The following AHDC1 variants were observed in gnomAD, a reference collection of about 807,000 sequenced individuals.
AHDC1 encodes the protein AT-hook DNA binding motif containing 1.
In AHDC1, 7 loss-of-function variants were observed where a neutral mutation model predicts 87.9. The ratio of observed to expected loss-of-function variants is 0.08; its 90% CI spans 0.05 to 0.15. The LOEUF (loss-of-function observed/expected upper bound fraction) is 0.15. Among genes scored for constraint, AHDC1 ranks in the 10% least tolerant of loss-of-function variants. AHDC1 has a pLI of 1.00. For synonymous variants in AHDC1, 1,051 were observed against 1,006.8 expected (o/e 1.04, Z -0.83); for missense variants, 1,841 against 2,253.2 (o/e 0.82, Z 3.70).
At position 27,551,636 on chromosome 1, in the gene AHDC1, G is replaced by C. The variant is rs147707628; in HGVS notation, c.480C>G (p.Pro160=). ...AGAAGAAGCTGTACTGTAGGTCGCC[G>C]GGTGGCGGTGCAGGCGGGCGGCTCA... ...LRLSRPPAPP[P]GDLQYSFFSS... The change falls in exon 8 of 9, where the codon CCC becomes CCG. Residue 160 remains proline (P), a synonymous_variant. Transcript: ENST00000673934. 12 of 1,613,534 alleles carry C rather than the reference G, an allele frequency of 7.4e-6. No homozygotes were observed. In the South Asian group the frequency reaches 9.9e-5, roughly 13 times the overall value.
intron 3 of AHDC1, among the ~76,000 whole-genome samples, chr1:27,567,237 G>A (rs1193926911): frequency 6.6e-6 from 1 of 152,204 alleles, no homozygotes; most frequent in Non-Finnish European, 1.5e-5. Flanking sequence ...GTGAATTCAG[G>A]ATCTGTAATC....
intron 3 of AHDC1, among the ~76,000 whole-genome samples, chr1:27,588,229 CCT>C (rs1407790991): frequency 3.3e-5 from 5 of 152,224 alleles, no homozygotes; most frequent in African/African-American, 2.4e-5. Context: ...TTCCACGCTT[CCT>C]CTTATGAATT....
chr1:27,549,841 G>A lies in AHDC1; in HGVS notation c.2275C>T (p.Pro759Ser). The change falls in exon 8 of 9, where the codon CCA becomes TCA. Residue 759 changes from proline (P) to serine (S), a missense_variant. Pro to Ser is a moderately conservative substitution (Grantham distance 74). Coordinates refer to ENST00000673934, the MANE Select transcript of AHDC1 (RefSeq NM_001371928.1). Reference protein sequence around the residue: ...TLFPEQVPSGPGFGEAGAEWA... With the variant: ...TLFPEQVPSGSGFGEAGAEWA... ...TCAGCACCTGCCTCCCCAAAGCCTGGGCCACTGGGCACCTGCTCTGGGAAC... is the reference window on the plus strand; with the variant it reads ...TCAGCACCTGCCTCCCCAAAGCCTGAGCCACTGGGCACCTGCTCTGGGAAC... 6.2e-7 allele frequency: 1 copy of A among 1,613,256 alleles called. No homozygotes were observed. Among genetic ancestry groups the A allele is most frequent in the Non-Finnish European group, 8.5e-7 (1 of 1,179,570 alleles).
At chr1:27,582,534 C>T (rs1013510509) in intron 3 of AHDC1, among the ~76,000 whole-genome samples, 4 of 152,350 alleles carry the variant, frequency 2.6e-5, no homozygotes, top group South Asian at 4.1e-4. Context: ...CACCATCTAA[C>T]GACCATTTAT....
At chr1:27,570,006 A>T (rs1170917506) in intron 3 of AHDC1, among the ~76,000 whole-genome samples, 6 of 152,098 alleles carry the variant, frequency 3.9e-5, no homozygotes, top group Non-Finnish European at 8.8e-5. Flanking sequence ...CACCTCAGCC[A>T]GGCCAGGACC....
intron 8 of AHDC1, among the ~76,000 whole-genome samples, chr1:27,543,035 A>C (rs998115154): frequency 6.6e-6 from 1 of 152,240 alleles, no homozygotes; most frequent in Non-Finnish European, 1.5e-5. Flanking sequence ...GAAGAGACAA[A>C]GCCCAGAGCA....
At position 27,558,077 on chromosome 1, in the gene AHDC1, C is replaced by G. The variant is rs1322703164; in HGVS notation, c.-225+228G>C. ...TTGGAAGTAGGGTGGGGTCCCCAGG[C>G]AGGCTCAGCTCTAGGGAGCTTCCTG... On this transcript the variant is annotated intron_variant, in intron 5 of 8. Transcript: ENST00000673934. The surrounding 1 kb of genome is among the most constrained non-coding windows in gnomAD (Gnocchi z 5.6). Among the ~76,000 whole-genome samples the G allele has an allele frequency of 6.6e-6, 1 of 152,224 alleles. No homozygotes were observed. Among genetic ancestry groups the G allele is most frequent in the Non-Finnish European group, 1.5e-5 (1 of 68,024 alleles).
rs1318389926 is a variant in AHDC1 at position 27,595,342 on chromosome 1, C to T, written c.-629+8055G>A. On this transcript the variant is annotated intron_variant, in intron 3 of 8. Transcript: ENST00000673934. The surrounding 1 kb of genome is among the most constrained non-coding windows in gnomAD (Gnocchi z 4.0). ...GTGTGTGTCTGGGGAGGTGTCAGGG[C>T]TTTGAGGGTATGAGTCAGTGGGAAG... 1.3e-5 allele frequency among the ~76,000 whole-genome samples: 2 copies of T among 150,552 alleles called. No individual in the cohort carries two copies. The highest frequency in any genetic ancestry group is 6.6e-5 in the Admixed American group (1 of 15,086).
intron 3 of AHDC1, among the ~76,000 whole-genome samples, chr1:27,576,907 T>TCACA (rs1424231549): frequency 6.6e-6 from 1 of 151,918 alleles, no homozygotes; most frequent in Non-Finnish European, 1.5e-5. Flanking sequence ...GTCTAGCACC[T>TCACA]CACACACACA....
rs2089342172 is a variant in AHDC1, at chr1:27,595,424, G to A, written c.-629+7973C>T. On this transcript the variant is annotated intron_variant, in intron 3 of 8. Coordinates refer to ENST00000673934, the MANE Select transcript of AHDC1 (RefSeq NM_001371928.1). This position sits in a 1 kb window ranked among gnomAD's most constrained non-coding sequence, Gnocchi z 4.0. The stretch of plus-strand genomic sequence containing the variant: ...TCTGGCAGTGTTGGGGTTGGATAGG[G>A]GGTTGATATGCTGAGGGTGTGATAG... Among the ~76,000 whole-genome samples, 1 of 148,624 alleles carries A rather than the reference G, an allele frequency of 6.7e-6. No homozygotes were observed. Among genetic ancestry groups the A allele is most frequent in the Non-Finnish European group, 1.5e-5 (1 of 67,312 alleles).
chr1:27,549,994 C>A lies in AHDC1; in HGVS notation c.2122G>T (p.Ala708Ser). Residue 708 changes from alanine (A) to serine (S), a missense_variant, in exon 8 of 9, where the codon GCA becomes TCA. Ala to Ser is a moderately conservative substitution (Grantham distance 99, BLOSUM62 1). Coordinates refer to ENST00000673934, the MANE Select transcript of AHDC1 (RefSeq NM_001371928.1). ...IGKKKKVVAV[A>S]AAGVGGPGLT... ...CCCGGGCCCCCGACCCCAGCGGCTG[C>A]CACGGCCACCACCTTCTTTTTCTTG... The A allele has an allele frequency of 6.3e-7, 1 of 1,599,974 alleles. No individual in the cohort carries two copies.
chr1:27,576,628 T>G (rs1233424807), intron 3 of AHDC1, among the ~76,000 whole-genome samples: 1 of 152,218 alleles, frequency 6.6e-6, no homozygotes, highest in African/African-American at 2.4e-5. Context: ...CGTTAACCAC[T>G]GAACACAGTG....
intron 3 of AHDC1, among the ~76,000 whole-genome samples, chr1:27,589,985 G>A (rs1188122175): frequency 6.6e-6 from 1 of 152,058 alleles, no homozygotes; most frequent in Non-Finnish European, 1.5e-5. Flanking sequence ...ACTGTGGGCT[G>A]GGCAGGGCTC....
Position 27,551,320 on chromosome 1 carries a change from G to C in AHDC1, c.796C>G (p.Pro266Ala). The C allele has an allele frequency of 6.2e-7, 1 of 1,612,504 alleles. No homozygotes were observed. Among genetic ancestry groups the C allele is most frequent in the Non-Finnish European group, 8.5e-7 (1 of 1,179,642 alleles). Residue 266 changes from proline (P) to alanine (A), a missense_variant, in exon 8 of 9, where the codon CCA becomes GCA. By Grantham distance (27) the Pro-to-Ala change is conservative. Coordinates refer to ENST00000673934, the MANE Select transcript of AHDC1 (RefSeq NM_001371928.1). ...AQLLEAQALEPPSPEPEPQLL... is the reference protein window; with the variant it reads ...AQLLEAQALEAPSPEPEPQLL... ...TGAGGCTCCGGCTCGGGCGATGGTG[G>C]CTCGAGGGCCTGGGCCTCTAGCAGC...
At chr1:27,597,149 G>A (rs2089397832) in intron 3 of AHDC1, among the ~76,000 whole-genome samples, 1 of 152,158 alleles carries the variant, frequency 6.6e-6, no homozygotes, top group Non-Finnish European at 1.5e-5. Context: ...GTATGGGGGT[G>A]GGGGGCAGGT....
At chr1:27,572,674 A>G (rs1557689195) in intron 3 of AHDC1, among the ~76,000 whole-genome samples, 1 of 152,208 alleles carries the variant, frequency 6.6e-6, no homozygotes, top group African/African-American at 2.4e-5. Flanking sequence ...AAAACCACGC[A>G]GTGTGGGACT....
At chr1:27,584,898 C>T (rs1208420678) in intron 3 of AHDC1, among the ~76,000 whole-genome samples, 1 of 152,068 alleles carries the variant, frequency 6.6e-6, no homozygotes, top group Admixed American at 6.5e-5. Flanking sequence ...ACAGGACAGG[C>T]GTGGTGGCTC....
In AHDC1 at chr1:27,563,282, CAT is replaced by C. The variant is rs1348426234; in HGVS notation, c.-628-4401_-628-4400del. On this transcript the variant is annotated intron_variant, in intron 3 of 8. Coordinates refer to ENST00000673934, the MANE Select transcript of AHDC1 (RefSeq NM_001371928.1). This position sits in a 1 kb window ranked among gnomAD's most constrained non-coding sequence, Gnocchi z 6.1. ...ACACACCCACACAAAGAACCTGTCA[CAT>C]AGTTGACCAAGACACACACACATGC... Among the ~76,000 whole-genome samples, 4 of 151,636 alleles carry C rather than the reference CAT, an allele frequency of 2.6e-5. No homozygotes were observed. Among genetic ancestry groups the C allele is most frequent in the African/African-American group, 4.9e-5 (2 of 41,208 alleles).
chr1:27,540,740 C>T (rs1295390203), intron 8 of AHDC1, among the ~76,000 whole-genome samples: 1 of 151,986 alleles, frequency 6.6e-6, no homozygotes, highest in Non-Finnish European at 1.5e-5. Flanking sequence ...TGTTTCCACA[C>T]ATGCTCCTGG....
Sources: allele counts gnomAD v4.1 joint callset (sites outside exome capture counted in the v4.1 genomes callset), GRCh38; gene constraint gnomAD v4.1.1; non-coding constraint Gnocchi (gnomAD v3.1); transcripts MANE v1.5; gene names NCBI Gene and HGNC (gene_info 2026-07-23, HGNC 2026-07-21).